Variants in XKR7 observed in about 807,000 individuals in gnomAD.
The protein encoded by XKR7 is XK related 7.
XKR7 carries 11 observed loss-of-function variants against 42.2 expected under a neutral mutation model. The observed-to-expected ratio is 0.26, with a 90% CI of 0.16 to 0.43. The LOEUF (loss-of-function observed/expected upper bound fraction) is 0.43, where lower values mean the gene tolerates loss of function less well. Among genes scored for constraint, XKR7 ranks in the 20% least tolerant of loss-of-function variants. The probability of loss-of-function intolerance (pLI) is 1.00; values close to 1 mark genes in which losing one functional copy is unlikely to be tolerated. For synonymous variants in XKR7, 346 were observed against 366.4 expected (o/e 0.94, Z 0.64); for missense variants, 710 against 802.2 (o/e 0.89, Z 1.39).
rs187752724 is a variant in XKR7 at position 31,997,848 on chromosome 20, G to A, written c.*391G>A. On this transcript the variant is annotated 3_prime_UTR_variant, in exon 3 of 3. Transcript: ENST00000562532. ...CATGACCTAGACCCTGTGCTCCTCA[G>A]GGGTTGTGGAGAGTGGGCTGCCTCT... 3.4e-5 allele frequency: 7 copies of A among 206,734 alleles called. No individual in the cohort carries two copies. The East Asian group carries it at 8.0e-4, about 24-fold the overall frequency. The allele number at this position is 206,734 out of a possible 1,614,324, so 12.8% of individuals were successfully genotyped here. A position where few individuals can be genotyped will look rare whatever the true frequency, so the allele number is the denominator to read the frequency against.
rs557391632 is a variant in XKR7, at chr20:31,995,324, C to T, written c.787+54C>T. 2 of 1,530,742 alleles carry T rather than the reference C, an allele frequency of 1.3e-6. No individual in the cohort carries two copies. Among genetic ancestry groups the T allele is most frequent in the Admixed American group, 2.0e-5 (1 of 50,470 alleles). 94.8% of individuals were successfully genotyped at this position (1,530,742 alleles called of 1,614,324 possible). A position where few individuals can be genotyped will look rare whatever the true frequency, so the allele number is the denominator to read the frequency against. Reference sequence around the variant, plus strand: ...TGGGACCACCCCACCGGGCCTTTCTCCCTGCTTCAGGCTCCCTGGGGATGC... The same window carrying T: ...TGGGACCACCCCACCGGGCCTTTCTTCCTGCTTCAGGCTCCCTGGGGATGC... On this transcript the variant is annotated intron_variant, in intron 2 of 2. Coordinates refer to ENST00000562532, the MANE Select transcript of XKR7 (RefSeq NM_001011718.2). The surrounding 1 kb of genome is among the most constrained non-coding windows in gnomAD (Gnocchi z 4.1).
chr20:31,995,131 C>T lies in XKR7; in HGVS notation c.648C>T (p.His216=). 3 of 1,559,160 alleles carry T rather than the reference C, an allele frequency of 1.9e-6. No homozygotes were observed. The highest frequency in any genetic ancestry group is 2.4e-5 in the South Asian group (2 of 84,826). ...SRWRGERLRR[H]FYWQMLFESA... ...GGCGCGGGGAGCGGCTGCGGCGCCA[C>T]TTCTACTGGCAGATGCTGTTCGAGA... The change falls in exon 2 of 3, where the codon CAC becomes CAT. Residue 216 remains histidine (H), a synonymous_variant. Coordinates refer to ENST00000562532, the MANE Select transcript of XKR7 (RefSeq NM_001011718.2). This position sits in a 1 kb window ranked among gnomAD's most constrained non-coding sequence, Gnocchi z 4.1.
At chr20:31,969,537 T>G (rs1158977197) in intron 1 of XKR7, among the ~76,000 whole-genome samples, 1 of 152,186 alleles carries the variant, frequency 6.6e-6, no homozygotes, top group African/African-American at 2.4e-5. Flanking sequence ...TGCACTGAGT[T>G]AAGTGGAGAG....
At chr20:31,982,651 G>A (rs1384847478) in intron 1 of XKR7, among the ~76,000 whole-genome samples, 7 of 152,114 alleles carry the variant, frequency 4.6e-5, no homozygotes, top group Admixed American at 3.3e-4. Flanking sequence ...AGATTTTAGC[G>A]AAGTACATAT....
intron 1 of XKR7, 74 bp from the exon 2 acceptor site, chr20:31,994,994 G>C (rs2064584103): frequency 5.9e-6 from 9 of 1,518,536 alleles, no homozygotes; most frequent in Non-Finnish European, 7.9e-6. Flanking sequence ...TGCGCCTGTG[G>C]GCGGCTCGGG....
intron 1 of XKR7, among the ~76,000 whole-genome samples, chr20:31,990,660 T>C (rs1226500030): frequency 6.6e-6 from 1 of 152,238 alleles, no homozygotes; most frequent in Non-Finnish European, 1.5e-5. Flanking sequence ...AAATTATATA[T>C]GACTAGATAA....
rs2064620082 is a variant in XKR7 at position 32,000,606 on chromosome 20, C to A, written c.*3149C>A. 6.6e-6 allele frequency: 1 copy of A among 152,284 alleles called. No homozygotes were observed. The highest frequency in any genetic ancestry group is 1.5e-5 in the Non-Finnish European group (1 of 68,104). The allele number at this position is 152,284 out of a possible 1,614,324, so 9.4% of individuals were successfully genotyped here. On this transcript the variant is annotated 3_prime_UTR_variant, in exon 3 of 3. Coordinates refer to ENST00000562532, the MANE Select transcript of XKR7 (RefSeq NM_001011718.2). ...GGGTGTGTCTTAATTTTGCCAGGAA[C>A]AGAAGAGAACAGGATGCTTTGGGTA...
chr20:31,989,899 C>T (rs1050944001), intron 1 of XKR7, among the ~76,000 whole-genome samples: 26 of 152,204 alleles, frequency 1.7e-4, no homozygotes, highest in African/African-American at 6.0e-4. Context: ...AGGCATGAGC[C>T]GCCACACCTG....
intron 1 of XKR7, among the ~76,000 whole-genome samples, chr20:31,981,027 T>C (rs1387043731): frequency 6.7e-6 from 1 of 148,318 alleles, no homozygotes; most frequent in Non-Finnish European, 1.5e-5. Flanking sequence ...CTCTCATCAC[T>C]GCACTCCAGC....
In XKR7 at chr20:31,997,261, C is replaced by A. The variant is rs1260737869; in HGVS notation, c.1544C>A (p.Thr515Asn). 1 of 1,612,288 alleles carries A rather than the reference C, an allele frequency of 6.2e-7. No individual in the cohort carries two copies. The highest frequency in any genetic ancestry group is 8.5e-7 in the Non-Finnish European group (1 of 1,179,986). The change falls in exon 3 of 3, where the codon ACC (threonine) becomes AAC (asparagine). Residue 515 changes from threonine to asparagine, a missense_variant. Thr to Asn is a moderately conservative substitution (Grantham distance 65). Around this residue, in one of 2 missense-constraint regions of XKR7, gnomAD observed 708 missense variants for 786.2 expected, o/e 0.90. Transcript: ENST00000562532. ...PGLPPTPVAR[T>N]LRTEGPVIRI... ...TTGCCTCCCACACCAGTGGCCCGCA[C>A]CTTGCGGACAGAGGGGCCTGTCATC...
At chr20:31,988,685 A>G (rs1489879217) in intron 1 of XKR7, among the ~76,000 whole-genome samples, 1 of 152,220 alleles carries the variant, frequency 6.6e-6, no homozygotes, top group East Asian at 1.9e-4. Flanking sequence ...CATGGACTAC[A>G]GTGTCTGGCT....
intron 1 of XKR7, among the ~76,000 whole-genome samples, chr20:31,984,230 C>T (rs2064526962): frequency 6.6e-6 from 1 of 151,178 alleles, no homozygotes; most frequent in African/African-American, 2.4e-5. Flanking sequence ...CACTGCATTC[C>T]AGCCTGGGTG....
intron 1 of XKR7, among the ~76,000 whole-genome samples, chr20:31,985,382 G>GGAGGAGCT (rs1484174455): frequency 2.0e-5 from 3 of 152,126 alleles, no homozygotes; most frequent in Non-Finnish European, 4.4e-5. Flanking sequence ...ACCGACAGAT[G>GGAGGAGCT]GAGGAGCTGA....
Position 31,968,865 on chromosome 20 carries a change from C to T in XKR7, c.584+106C>T. The T allele has an allele frequency of 1.4e-6, 2 of 1,406,196 alleles. No individual in the cohort carries two copies. Among genetic ancestry groups the T allele is most frequent in the Non-Finnish European group, 1.9e-6 (2 of 1,076,540 alleles). 87.1% of individuals were successfully genotyped at this position (1,406,196 alleles called of 1,614,324 possible). Reference sequence around the variant, plus strand: ...GACCTTTCCGGGCTACCCTCCTGTCCTGACCTCCCCCCCTCCCCACCCCAT... The same window carrying T: ...GACCTTTCCGGGCTACCCTCCTGTCTTGACCTCCCCCCCTCCCCACCCCAT... On this transcript the variant is annotated intron_variant, in intron 1 of 2. Coordinates refer to ENST00000562532, the MANE Select transcript of XKR7 (RefSeq NM_001011718.2). This position sits in a 1 kb window ranked among gnomAD's most constrained non-coding sequence, Gnocchi z 4.5.
At position 31,983,460 on chromosome 20, in the gene XKR7, G is replaced by A. The variant is rs2064522869; in HGVS notation, c.585-11608G>A. Among the ~76,000 whole-genome samples, 4 of 152,300 alleles carry A rather than the reference G, an allele frequency of 2.6e-5. No individual in the cohort carries two copies. The South Asian group carries it at 8.3e-4, about 32-fold the overall frequency. On this transcript the variant is annotated intron_variant, in intron 1 of 2. Coordinates refer to ENST00000562532, the MANE Select transcript of XKR7 (RefSeq NM_001011718.2). ...TGAAGAGGTGACATTGAGCTGAGAT[G>A]GGAGAATGAGAGTTTGACAGGCGTT... is the stretch of plus-strand genomic sequence containing the variant.
intron 1 of XKR7, among the ~76,000 whole-genome samples, chr20:31,981,607 G>A (rs939674213): frequency 6.6e-6 from 1 of 152,046 alleles, no homozygotes; most frequent in Non-Finnish European, 1.5e-5. Context: ...CAGGAGAATC[G>A]CCTGAACCTG....
chr20:31,971,831 C>G (rs1288355330), intron 1 of XKR7, among the ~76,000 whole-genome samples: 3 of 152,102 alleles, frequency 2.0e-5, no homozygotes, highest in Admixed American at 1.3e-4. Flanking sequence ...GGGTGTCAGA[C>G]AAGAGGACAT....
intron 2 of XKR7, among the ~76,000 whole-genome samples, chr20:31,996,180 C>T (rs2064590342): frequency 6.6e-6 from 1 of 151,880 alleles, no homozygotes; most frequent in African/African-American, 2.4e-5. Context: ...GTCCCGGACC[C>T]TCATTTCCCA....
At chr20:31,990,181 TG>T (rs1400432768) in intron 1 of XKR7, among the ~76,000 whole-genome samples, 7 of 89,416 alleles carry the variant, frequency 7.8e-5, no homozygotes, top group Non-Finnish European at 1.7e-4. Flanking sequence ...ATTCATTGCG[TG>T]TGTGTGTGTG....
Sources: allele counts gnomAD v4.1 joint callset (sites outside exome capture counted in the v4.1 genomes callset), GRCh38; gene constraint gnomAD v4.1.1; regional missense constraint gnomAD v4.1.1; non-coding constraint Gnocchi (gnomAD v3.1); transcripts MANE v1.5; gene names NCBI Gene and HGNC (gene_info 2026-07-23, HGNC 2026-07-21).